BEST1: variants seen among roughly 807,000 people sequenced by gnomAD.
The protein encoded by BEST1 is bestrophin-1.
Under a neutral mutation model 63.3 loss-of-function variants are expected in BEST1, and 58 were observed. That is an observed-to-expected ratio of 0.92 (90% CI 0.74 to 1.14). The LOEUF is 1.14. BEST1 is among the 50% of genes most tolerant of loss of function. BEST1 has a pLI of 0.00. For missense variants in BEST1, 671 were observed against 740.1 expected, an observed-to-expected ratio of 0.91 and a Z score of 1.08; for synonymous variants, 283 against 291.6, an observed-to-expected ratio of 0.97 and a Z score of 0.30.
Position 61,964,351 on chromosome 11 carries a change from A to G in BEST1, c.*229A>G. 1 of 859,330 alleles carries G rather than the reference A, an allele frequency of 1.2e-6. No individual in the cohort carries two copies. The highest frequency in any genetic ancestry group is 1.8e-5 in the South Asian group (1 of 56,046). 53.2% of individuals were successfully genotyped at this position (859,330 alleles called of 1,614,324 possible). ...TAGACTGAACCATTGGAAACATTTA[A>G]CTCAGACTCTGGATTCAGAGTCGGG... On this transcript the variant is annotated 3_prime_UTR_variant, in exon 11 of 11. Transcript: ENST00000378043.
At chr11:61,962,922 T>C in intron 10 of BEST1, 29 bp downstream of exon 10, 2 of 1,614,196 alleles carry the variant, frequency 1.2e-6, no homozygotes, top group Non-Finnish European at 1.7e-6. Flanking sequence ...CCAGGGGCAC[T>C]GCATTGCCCT....
chr11:61,962,371 CA>C lies in BEST1; in HGVS notation c.1220del (p.Asn407ThrfsTer75), dbSNP rs1942157394. ...TCCCATGATCACCATCCTCCCAGGGCAAACTCAAGGACCAAACTACTGTGGC... is the reference window on the plus strand; with the variant it reads ...TCCCATGATCACCATCCTCCCAGGGCAACTCAAGGACCAAACTACTGTGGC... ...LQSHDHHPPR[A>X]NSRTKLLWPK... On this transcript the variant is annotated frameshift_variant, in exon 10 of 11. Coordinates refer to ENST00000378043, the MANE Select transcript of BEST1 (RefSeq NM_004183.4). LOFTEE classifies it high-confidence loss of function. The C allele has an allele frequency of 1.2e-6, 2 of 1,614,078 alleles. No homozygotes were observed. Among genetic ancestry groups the C allele is most frequent in the Non-Finnish European group, 1.7e-6 (2 of 1,180,046 alleles).
Position 61,962,919 on chromosome 11 carries a change from C to G in BEST1, c.1739+26C>G, listed in dbSNP as rs747452959. ...GTCTGTCCTCCACCTGAACCAGGGG[C>G]ACTGCATTGCCCTGTGCCCCACCCC... On this transcript the variant is annotated intron_variant, in intron 10 of 10. Coordinates refer to ENST00000378043, the MANE Select transcript of BEST1 (RefSeq NM_004183.4). 5 of 1,614,204 alleles carry G rather than the reference C, an allele frequency of 3.1e-6. No homozygotes were observed. The South Asian group carries it at 5.5e-5, about 18-fold the overall frequency.
intron 2 of BEST1, chr11:61,954,683 G>C: frequency 1.7e-6 from 1 of 572,934 alleles, no homozygotes. Flanking sequence ...GGCTGGTCTT[G>C]AACTCTTGGT....
Position 61,962,471 on chromosome 11 carries a change from G to A in BEST1, c.1317G>A (p.Gln439=), listed in dbSNP as rs966381221. 6.2e-7 allele frequency: 1 copy of A among 1,614,092 alleles called. No individual in the cohort carries two copies. The highest frequency in any genetic ancestry group is 8.5e-7 in the Non-Finnish European group (1 of 1,180,042). Residue 439 remains glutamine (Q), a synonymous_variant, in exon 10 of 11, where the codon CAG becomes CAA. Transcript: ENST00000378043. ...CAGCCAAACAGAACGTTAGGGGCCA[G>A]GAAGACAACAAGGCCTGGAAGCTTA... The part of the protein sequence containing the change: ...HKAAKQNVRG[Q]EDNKAWKLKA...
downstream of BEST1, chr11:61,964,720 C>T (rs1249384265): frequency 6.3e-6 from 10 of 1,597,814 alleles, no homozygotes; most frequent in African/African-American, 1.3e-4. Context: ...GGAAATTAGC[C>T]CGAGGCTTAG....
chr11:61,959,958 A>T lies in BEST1; in HGVS notation c.1015A>T (p.Asn339Tyr). 3 of 1,612,736 alleles carry T rather than the reference A, an allele frequency of 1.9e-6. No homozygotes were observed. The highest frequency in any genetic ancestry group is 2.5e-6 in the Non-Finnish European group (3 of 1,179,530). Reference sequence around the variant, plus strand: ...TCGGATGGAGCCGGACATGTACTGGAATAAGCCCGAGCCACAGCCCCCCTA... The same window carrying T: ...TCGGATGGAGCCGGACATGTACTGGTATAAGCCCGAGCCACAGCCCCCCTA... ...LPRMEPDMYWNKPEPQPPYTA... is the reference protein window; with the variant it reads ...LPRMEPDMYWYKPEPQPPYTA... Residue 339 changes from asparagine (N) to tyrosine (Y), a missense_variant, in exon 9 of 11, where the codon AAT becomes TAT. Transcript: ENST00000378043.
rs1176767370 is a variant in BEST1 at position 61,956,721 on chromosome 11, A to T, written c.482-123A>T. ...AACAGCACCTAGTAGGTGCTCAGAA[A>T]TTTTTTTGTTGTTGAAAGAAAGAGG... On this transcript the variant is annotated intron_variant, in intron 4 of 10. Coordinates refer to ENST00000378043, the MANE Select transcript of BEST1 (RefSeq NM_004183.4). The T allele has an allele frequency of 2.4e-6, 3 of 1,253,964 alleles. No homozygotes were observed. The South Asian group carries it at 3.6e-5, about 15-fold the overall frequency. The allele number at this position is 1,253,964 out of a possible 1,614,324, so 77.7% of individuals were successfully genotyped here.
At position 61,958,146 on chromosome 11, in the gene BEST1, G is replaced by T. The variant is rs121918290; in HGVS notation, c.715G>T (p.Val239Leu). 1 of 632,182 alleles carries T rather than the reference G, an allele frequency of 1.6e-6. No homozygotes were observed. 39.2% of individuals were successfully genotyped at this position (632,182 alleles called of 1,614,324 possible). A position where few individuals can be genotyped will look rare whatever the true frequency, so the allele number is the denominator to read the frequency against. Residue 239 changes from valine (V) to leucine (L), a missense_variant and splice_region_variant, in exon 7 of 11, where the codon GTG becomes TTG. Val to Leu is a conservative substitution (Grantham distance 32, BLOSUM62 1). Coordinates refer to ENST00000378043, the MANE Select transcript of BEST1 (RefSeq NM_004183.4). ...TACCACATCCTCCTCCTCCTCCCAGGTGGTGACTGTGGCGGTGTACAGCTT... is the reference window on the plus strand; with the variant it reads ...TACCACATCCTCCTCCTCCTCCCAGTTGGTGACTGTGGCGGTGTACAGCTT... ...WISIPLVYTQ[V>L]VTVAVYSFFL...
In BEST1 at chr11:61,963,927, G is replaced by C. The variant is rs1054686110; in HGVS notation, c.1740-177G>C. ...AGGGGAGAATTGCTTGAACCCAGGA[G>C]GTGGTGGTTGCAGTGAGATTGAGCA... On this transcript the variant is annotated intron_variant, in intron 10 of 10. Coordinates refer to ENST00000378043, the MANE Select transcript of BEST1 (RefSeq NM_004183.4). The C allele has an allele frequency of 6.2e-5, 88 of 1,425,532 alleles. No individual in the cohort carries two copies. The South Asian group carries it at 7.1e-4, about 11-fold the overall frequency. 88.3% of individuals were successfully genotyped at this position (1,425,532 alleles called of 1,614,324 possible). A position where few individuals can be genotyped will look rare whatever the true frequency, so the allele number is the denominator to read the frequency against.
intron 8 of BEST1, 108 bp downstream of exon 8, chr11:61,959,686 C>T (rs1423173832): frequency 7.4e-7 from 1 of 1,343,726 alleles, no homozygotes; most frequent in African/African-American, 1.4e-5. Flanking sequence ...ATCAACCCTT[C>T]CCCTCCTCCC....
intron 9 of BEST1, chr11:61,961,300 G>A (rs1391163503): frequency 6.6e-6 from 1 of 152,282 alleles, no homozygotes; most frequent in Admixed American, 6.5e-5. Context: ...ACATGTGTGA[G>A]CCACTGTGCC....
intron 10 of BEST1, chr11:61,963,240 C>T (rs937377187): frequency 7.2e-7 from 1 of 1,386,968 alleles, no homozygotes; most frequent in African/African-American, 1.4e-5. Context: ...CCCCAACTTA[C>T]TTTGAGCAAG....
chr11:61,956,007 G>A (rs1009925827), intron 4 of BEST1, 56 bp downstream of exon 4: 101 of 1,492,626 alleles, frequency 6.8e-5, no homozygotes, highest in Admixed American at 3.9e-4. Context: ...GCCGAGATGG[G>A]CGCGGCAGGA....
chr11:61,959,682 C>A, intron 8 of BEST1, 104 bp downstream of exon 8: 1 of 1,356,292 alleles, frequency 7.4e-7, no homozygotes, highest in Non-Finnish European at 1.0e-6. Flanking sequence ...AATGATCAAC[C>A]CTTCCCCTCC....
At chr11:61,965,278 C>G (rs914725789), downstream of BEST1, 1 of 1,599,918 alleles carries the variant, frequency 6.3e-7, no homozygotes, top group African/African-American at 1.3e-5. Context: ...TGTATCATCA[C>G]TTTATAAGGG....
At chr11:61,964,474 G>A, downstream of BEST1, 3 of 616,978 alleles carry the variant, frequency 4.9e-6, no homozygotes, top group Non-Finnish European at 8.4e-6. Flanking sequence ...TTTTTGATTA[G>A]TGTGATTAGA....
intron 10 of BEST1, chr11:61,963,834 T>C (rs990677659): frequency 1.8e-5 from 23 of 1,283,510 alleles, no homozygotes; most frequent in Non-Finnish European, 2.2e-5. Context: ...TGAAACCCCA[T>C]CTCTACCAAA....
At chr11:61,953,581 G>C (rs771182808) in intron 2 of BEST1, among the ~76,000 whole-genome samples, 2 of 152,150 alleles carry the variant, frequency 1.3e-5, no homozygotes, top group Non-Finnish European at 2.9e-5. Context: ...GGGGTGGCAC[G>C]CACCTGTAGT....
Sources: allele counts gnomAD v4.1 joint callset (sites outside exome capture counted in the v4.1 genomes callset), GRCh38; gene constraint gnomAD v4.1.1; transcripts MANE v1.5; gene names NCBI Gene and HGNC (gene_info 2026-07-23, HGNC 2026-07-21).